Variants in PARP4 observed in about 807,000 individuals in gnomAD.
The protein encoded by PARP4 is poly(ADP-ribose) polymerase family member 4, also known as protein mono-ADP-ribosyltransferase PARP4.
PARP4 carries 120 observed loss-of-function variants against 187.7 expected under a neutral mutation model. The observed-to-expected ratio is 0.64, with a 90% CI of 0.55 to 0.74. The LOEUF (loss-of-function observed/expected upper bound fraction) is 0.74. Among genes scored for constraint, PARP4 ranks in the 30% least tolerant of loss-of-function variants. The pLI is 0.00. For synonymous variants in PARP4, 654 were observed against 740.9 expected, an observed-to-expected ratio of 0.88 and a Z score of 1.90; for missense variants, 1,836 against 2,070.5, an observed-to-expected ratio of 0.89 and a Z score of 2.20.
chr13:24,462,688 C>T (rs969358108), intron 17 of PARP4, among the ~76,000 whole-genome samples: 1 of 152,128 alleles, frequency 6.6e-6, no homozygotes, highest in African/African-American at 2.4e-5. Context: ...ATAGATGGAA[C>T]CTTTCATTAG....
intron 17 of PARP4, among the ~76,000 whole-genome samples, chr13:24,462,947 A>G (rs186731338): frequency 1.1e-3 from 172 of 152,322 alleles, no homozygotes; most frequent in African/African-American, 4.0e-3. Flanking sequence ...CAGAAGGAGA[A>G]AGAGAGAGAA....
chr13:24,441,168 G>A (rs904367386), intron 30 of PARP4, among the ~76,000 whole-genome samples: 3 of 151,976 alleles, frequency 2.0e-5, no homozygotes, highest in Admixed American at 6.6e-5. Flanking sequence ...CACTGTGCCC[G>A]CCCTAAAAGA....
chr13:24,496,182 A>G (rs1213342758), intron 6 of PARP4, among the ~76,000 whole-genome samples: 1 of 152,260 alleles, frequency 6.6e-6, no homozygotes, highest in Non-Finnish European at 1.5e-5. Context: ...GAAGAAAACA[A>G]TAACACATTC....
At chr13:24,503,880 A>C (rs990285169) in intron 1 of PARP4, 103 bp from the exon 2 acceptor site, 1 of 940,304 alleles carries the variant, frequency 1.1e-6, no homozygotes, top group African/African-American at 1.6e-5. Flanking sequence ...CATTATCTTA[A>C]GAAAGATATT....
chr13:24,455,480 A>AATATATATATATATATATATAT (rs57015283), intron 21 of PARP4, among the ~76,000 whole-genome samples: 1,351 of 107,856 alleles, frequency 0.013, 45 homozygotes, highest in Non-Finnish European at 0.02. Context: ...TTATGGAACA[A>AATATATATATATATATATATAT]ATATATATAT....
intron 12 of PARP4, among the ~76,000 whole-genome samples, chr13:24,481,607 C>T (rs1259515666): frequency 3.3e-5 from 5 of 152,156 alleles, no homozygotes; most frequent in Non-Finnish European, 5.9e-5. Flanking sequence ...ACAGAAGAAT[C>T]GCTTGAACCC....
intron 32 of PARP4, 142 bp downstream of exon 32, chr13:24,431,235 G>A (rs1309812889): frequency 1.8e-6 from 1 of 542,548 alleles, no homozygotes; most frequent in African/African-American, 2.0e-5. Flanking sequence ...TTCCTTTAAT[G>A]GTTAAATATA....
chr13:24,504,701 A>G (rs918040440), intron 1 of PARP4, among the ~76,000 whole-genome samples: 11 of 149,070 alleles, frequency 7.4e-5, no homozygotes, highest in Admixed American at 1.3e-4. Flanking sequence ...CCATTTTGTA[A>G]AATTTTTTTT....
Position 24,435,236 on chromosome 13 carries a change from A to G in PARP4, c.3905T>C (p.Phe1302Ser). The G allele has an allele frequency of 6.2e-7, 1 of 1,614,092 alleles. No homozygotes were observed. The highest frequency in any genetic ancestry group is 1.7e-4 in the Middle Eastern group (1 of 6,008). The change falls in exon 31 of 34, where the codon TTT becomes TCT. Residue 1302 changes from phenylalanine (F) to serine (S), a missense_variant. Physicochemically the swap from Phe to Ser is radical, Grantham distance 155. Coordinates refer to ENST00000381989, the MANE Select transcript of PARP4 (RefSeq NM_006437.4). ...SCKPTATEPL[F>S]KKVSPWETST... ...TGTTTCCCATGGACTGACTTTCTTA[A>G]ATAGTGGTTCAGTTGCTGTTGGTTT...
At chr13:24,492,887 T>A (rs547324659) in intron 8 of PARP4, among the ~76,000 whole-genome samples, 1 of 152,308 alleles carries the variant, frequency 6.6e-6, no homozygotes, top group South Asian at 2.1e-4. Context: ...AGAGAAACAC[T>A]AATGCAACTG....
chr13:24,456,531 AGCAGTCT>A (rs1299488027), intron 20 of PARP4, 53 bp from the exon 21 acceptor site: 2 of 1,543,244 alleles, frequency 1.3e-6, no homozygotes, highest in East Asian at 2.3e-5. Context: ...ACACCATATT[AGCAGTCT>A]GCACTTACCT....
In PARP4 at chr13:24,456,478, G is replaced by A. The variant is rs761041500; in HGVS notation, c.2425C>T (p.Arg809Cys). 5.5e-5 allele frequency: 88 copies of A among 1,587,042 alleles called. No homozygotes were observed. Among genetic ancestry groups the A allele is most frequent in the Non-Finnish European group, 6.9e-5 (80 of 1,159,658 alleles). The change falls in exon 21 of 34, where the codon CGC becomes TGC. Residue 809 changes from arginine to cysteine, a missense_variant and splice_region_variant. Physicochemically the swap from Arg to Cys is radical, Grantham distance 180 (BLOSUM62 -3). Around this residue, in one of 8 missense-constraint regions of PARP4, gnomAD observed 1,147 missense variants for 1,214.2 expected, o/e 0.94. Coordinates refer to ENST00000381989, the MANE Select transcript of PARP4 (RefSeq NM_006437.4). ...CTAATGACAGCTTTGCAGTCTGTGC[G>A]CTGCAAAACAAACACCGCGACAACA... Reference protein sequence around the residue: ...FSDTHELKQKRTDCKAVISTM... With the variant: ...FSDTHELKQKCTDCKAVISTM...
At chr13:24,504,126 T>C (rs1869466633) in intron 1 of PARP4, among the ~76,000 whole-genome samples, 1 of 152,086 alleles carries the variant, frequency 6.6e-6, no homozygotes. Flanking sequence ...TTAACATTAT[T>C]TGATAGTGAA....
intron 31 of PARP4, among the ~76,000 whole-genome samples, chr13:24,432,994 G>T (rs1557076): frequency 2.0e-5 from 3 of 152,044 alleles, no homozygotes; most frequent in Non-Finnish European, 4.4e-5. Flanking sequence ...CCATAGAGAA[G>T]TGGTACCAGG....
At chr13:24,431,574 CAT>C in intron 31 of PARP4, 98 bp from the exon 32 acceptor site, 2 of 758,370 alleles carry the variant, frequency 2.6e-6, no homozygotes, top group South Asian at 3.2e-5. Context: ...GGTTGAAAAA[CAT>C]ATTTTCACTA....
At chr13:24,428,290 CTT>C (rs1402733943) in intron 32 of PARP4, among the ~76,000 whole-genome samples, 1 of 152,032 alleles carries the variant, frequency 6.6e-6, no homozygotes, top group Non-Finnish European at 1.5e-5. Context: ...TTCTCAGCGT[CTT>C]TGCTGTTTCT....
Position 24,425,569 on chromosome 13 carries a change from G to GTATATCTATATCTATATCTATATC in PARP4, c.4979+873_4979+896dup, listed in dbSNP as rs1343575198. Among the ~76,000 whole-genome samples, 3 of 136,732 alleles carry GTATATCTATATCTATATCTATATC rather than the reference G, an allele frequency of 2.2e-5. 1 individual carries two copies. Among genetic ancestry groups the GTATATCTATATCTATATCTATATC allele is most frequent in the African/African-American group, 5.6e-5 (2 of 35,414 alleles). The allele number at this position is 136,732 out of a possible 152,430, so 89.7% of individuals were successfully genotyped here. ...TGTGTGTGTGTGTGTGTGTGTGTGT[G>GTATATCTATATCTATATCTATATC]TATATCTATATCTATATCTATATCT... On this transcript the variant is annotated intron_variant, in intron 33 of 33. Transcript: ENST00000381989.
chr13:24,479,108 C>G (rs1873131023), intron 12 of PARP4, among the ~76,000 whole-genome samples: 1 of 152,196 alleles, frequency 6.6e-6, no homozygotes, highest in African/African-American at 2.4e-5. Context: ...CTTTGGGAAT[C>G]AGCAGCTTTA....
rs778041180 is a variant in PARP4 at position 24,431,411 on chromosome 13, G to A, written c.4812C>T (p.His1604=). The change falls in exon 32 of 34, where the codon CAC becomes CAT. Residue 1604 remains histidine, a synonymous_variant. Transcript: ENST00000381989. ...GAATGCCTTTTTGTTTAAGAAAGCT[G>A]TGCAAACCATTTGTATTAAGATTTA... ...LILNLNTNGL[H]SFLKQKGIQS... 1.2e-6 allele frequency: 2 copies of A among 1,601,164 alleles called. No homozygotes were observed. Among genetic ancestry groups the A allele is most frequent in the South Asian group, 1.1e-5 (1 of 88,192 alleles).
Sources: allele counts gnomAD v4.1 joint callset (sites outside exome capture counted in the v4.1 genomes callset), GRCh38; gene constraint gnomAD v4.1.1; regional missense constraint gnomAD v4.1.1; transcripts MANE v1.5; gene names NCBI Gene and HGNC (gene_info 2026-07-23, HGNC 2026-07-21).